Variants in KIF13B observed in about 807,000 individuals in gnomAD.
KIF13B encodes kinesin family member 13B.
A neutral mutation model predicts 222.0 loss-of-function variants in KIF13B; 127 were observed. The ratio of observed to expected loss-of-function variants is 0.57; its 90% CI spans 0.50 to 0.66. The LOEUF is 0.66. Among genes scored for constraint, KIF13B ranks in the 30% least tolerant of loss-of-function variants. The pLI is 0.00. For synonymous variants in KIF13B, 976 were observed against 919.0 expected (o/e 1.06, Z -1.12); for missense variants, 2,173 against 2,379.0 (o/e 0.91, Z 1.80).
chr8:29,137,619 T>C (rs1190583589), intron 21 of KIF13B, among the ~76,000 whole-genome samples: 2 of 152,238 alleles, frequency 1.3e-5, no homozygotes, highest in African/African-American at 4.8e-5. Context: ...GGCTGGTTTC[T>C]TTTGTTTTTC....
Position 29,130,593 on chromosome 8 carries a change from G to A in KIF13B, c.3015C>T (p.Cys1005=), listed in dbSNP as rs764819784. The change falls in exon 24 of 40, where the codon TGC becomes TGT. Residue 1005 remains cysteine (C), a synonymous_variant. Coordinates refer to ENST00000524189, the MANE Select transcript of KIF13B (RefSeq NM_015254.4). Reference sequence around the variant, plus strand: ...CCTTTGCAGAAATCACTTCTACAGGGCAGTATTCACCATTCTCATTCTGTT... The same window carrying A: ...CCTTTGCAGAAATCACTTCTACAGGACAGTATTCACCATTCTCATTCTGTT... ...ILEQNENGEY[C]PVEVISAKDV... 16 of 1,613,124 alleles carry A rather than the reference G, an allele frequency of 9.9e-6. No homozygotes were observed. The Admixed American group carries it at 1.2e-4, about 12-fold the overall frequency.
intron 38 of KIF13B, among the ~76,000 whole-genome samples, chr8:29,073,071 G>A (rs1471260821): frequency 2.8e-5 from 4 of 144,206 alleles, no homozygotes; most frequent in Non-Finnish European, 4.6e-5. Flanking sequence ...AGGGGGACGA[G>A]GAGGGGTACG....
At position 29,118,421 on chromosome 8, in the gene KIF13B, GGAGGCA is replaced by G. The variant is rs531460867; in HGVS notation, c.3660+441_3660+446del. Among the ~76,000 whole-genome samples, 46 of 152,148 alleles carry G rather than the reference GGAGGCA, an allele frequency of 3.0e-4. 1 individual carries two copies. The South Asian group carries it at 9.6e-3, about 32-fold the overall frequency. The stretch of plus-strand genomic sequence containing the variant: ...GAGGCAGGAGAATCACTTGAACCCG[GGAGGCA>G]GAGGCTGCAGTGAGCCAAGATCCTG... On this transcript the variant is annotated intron_variant, in intron 30 of 39. Coordinates refer to ENST00000524189, the MANE Select transcript of KIF13B (RefSeq NM_015254.4).
At chr8:29,205,064 C>T (rs889066459) in intron 2 of KIF13B, among the ~76,000 whole-genome samples, 1 of 152,168 alleles carries the variant, frequency 6.6e-6, no homozygotes, top group African/African-American at 2.4e-5. Flanking sequence ...TGGCTCACAC[C>T]TGTAATCTCA....
intron 2 of KIF13B, among the ~76,000 whole-genome samples, chr8:29,240,022 A>AG: frequency 6.6e-6 from 1 of 151,436 alleles, no homozygotes; most frequent in East Asian, 1.9e-4. Flanking sequence ...GAAAAAAAAA[A>AG]GAAACACAAA....
intron 2 of KIF13B, among the ~76,000 whole-genome samples, chr8:29,200,230 AAAAT>A (rs1443058810): frequency 6.6e-6 from 1 of 152,222 alleles, no homozygotes; most frequent in African/African-American, 2.4e-5. Flanking sequence ...ACCCTGTACA[AAAAT>A]AAATAAATTA....
chr8:29,093,889 A>G (rs10109568), intron 36 of KIF13B, among the ~76,000 whole-genome samples: 98,105 of 151,930 alleles, frequency 0.65, 32,404 homozygotes, highest in Non-Finnish European at 0.69. Flanking sequence ...TTACAGCAAG[A>G]CAAAAACAAG....
chr8:29,177,603 A>C, intron 8 of KIF13B, 25 bp from the exon 9 acceptor site: 12 of 1,470,050 alleles, frequency 8.2e-6, no homozygotes, highest in Non-Finnish European at 1.1e-5. Context: ...AATCAATACT[A>C]ATCAACAGGA....
rs374212716 is a variant in KIF13B, at chr8:29,140,869, C to T, written c.2335-252G>A. 3.0e-4 allele frequency: 111 copies of T among 366,292 alleles called. 1 individual carries two copies. Among genetic ancestry groups the T allele is most frequent in the African/African-American group, 2.2e-3 (106 of 48,262 alleles). 22.7% of individuals were successfully genotyped at this position (366,292 alleles called of 1,614,324 possible). ...ACCCATGACAGAGCGATCCCAGTAA[C>T]AGGTCATTACTTTTATCAGCTATTC... On this transcript the variant is annotated intron_variant, in intron 19 of 39. Transcript: ENST00000524189.
chr8:29,194,452 G>C (rs1355318896), intron 3 of KIF13B, among the ~76,000 whole-genome samples: 2 of 152,152 alleles, frequency 1.3e-5, no homozygotes, highest in African/African-American at 4.8e-5. Flanking sequence ...AAAAAGGTAA[G>C]TGCCTTACAT....
At chr8:29,155,195 G>A (rs1476001003) in intron 14 of KIF13B, among the ~76,000 whole-genome samples, 2 of 152,128 alleles carry the variant, frequency 1.3e-5, no homozygotes, top group African/African-American at 2.4e-5. Flanking sequence ...GCAGCTCATG[G>A]TCTAATGGGG....
chr8:29,106,006 A>G (rs1441151852), intron 35 of KIF13B, among the ~76,000 whole-genome samples: 1 of 152,206 alleles, frequency 6.6e-6, no homozygotes, highest in South Asian at 2.1e-4. Flanking sequence ...GGAACTTATA[A>G]TTGGAGATTT....
chr8:29,234,392 C>T (rs978249444), intron 2 of KIF13B, among the ~76,000 whole-genome samples: 2 of 151,482 alleles, frequency 1.3e-5, no homozygotes, highest in African/African-American at 4.9e-5. Flanking sequence ...CGAGGACATG[C>T]TAAGTGAAAT....
intron 28 of KIF13B, 112 bp downstream of exon 28, chr8:29,123,254 T>C: frequency 8.5e-7 from 1 of 1,178,122 alleles, no homozygotes; most frequent in Non-Finnish European, 1.2e-6. Context: ...AAACAACATT[T>C]CCCCCCATGC....
intron 21 of KIF13B, among the ~76,000 whole-genome samples, chr8:29,135,049 A>G (rs2129868698): frequency 6.6e-6 from 1 of 152,090 alleles, no homozygotes; most frequent in African/African-American, 2.4e-5. Flanking sequence ...GCAGCATTAG[A>G]TTGATTTGTT....
intron 2 of KIF13B, among the ~76,000 whole-genome samples, chr8:29,230,741 G>GA (rs1365657048): frequency 1.3e-5 from 2 of 152,310 alleles, no homozygotes; most frequent in East Asian, 3.9e-4. Flanking sequence ...AGGCCAAGAA[G>GA]ACCTGAATCA....
intron 1 of KIF13B, among the ~76,000 whole-genome samples, chr8:29,254,495 G>C (rs1037886343): frequency 7.2e-5 from 11 of 152,174 alleles, no homozygotes; most frequent in African/African-American, 2.7e-4. Flanking sequence ...GAAATAAGGG[G>C]AAGATGTGAA....
intron 2 of KIF13B, among the ~76,000 whole-genome samples, chr8:29,244,804 C>A (rs1046084594): frequency 6.6e-6 from 1 of 152,148 alleles, no homozygotes; most frequent in Non-Finnish European, 1.5e-5. Context: ...TCATCCTCAG[C>A]CCTCGAGTCT....
At chr8:29,073,073 A>G (rs1180245080) in intron 38 of KIF13B, among the ~76,000 whole-genome samples, 5 of 127,606 alleles carry the variant, frequency 3.9e-5, no homozygotes. Context: ...GGGGACGAGG[A>G]GGGGTACGAG....
Sources: allele counts gnomAD v4.1 joint callset (sites outside exome capture counted in the v4.1 genomes callset), GRCh38; gene constraint gnomAD v4.1.1; transcripts MANE v1.5; gene names NCBI Gene and HGNC (gene_info 2026-07-23, HGNC 2026-07-21).